Variants in FGF14 observed in about 807,000 individuals in gnomAD.
FGF14 encodes fibroblast growth factor homologous factor 4.
FGF14 carries 5 observed loss-of-function variants against 25.5 expected under a neutral mutation model. That is an observed-to-expected ratio of 0.20 (90% CI 0.10 to 0.41). The LOEUF is 0.41. FGF14 is among the 10% of genes least tolerant of loss of function. The pLI, the probability that FGF14 is intolerant of heterozygous loss-of-function variation, is 1.00. For missense variants in FGF14, 222 were observed against 320.1 expected (o/e 0.69, Z 2.34); for synonymous variants, 138 against 118.3 (o/e 1.17, Z -1.08).
chr13:102,318,020 T>G (rs2056100020), intron 1 of FGF14, among the ~76,000 whole-genome samples: 1 of 152,196 alleles, frequency 6.6e-6, no homozygotes, highest in South Asian at 2.1e-4. Context: ...TTTGTTTGCT[T>G]AGACTAGGGT....
At chr13:101,736,331 A>T (rs1202335720) in intron 3 of FGF14, among the ~76,000 whole-genome samples, 2 of 152,196 alleles carry the variant, frequency 1.3e-5, no homozygotes, top group African/African-American at 4.8e-5. Context: ...AGTATGATCA[A>T]GGAACTTGTG....
At chr13:101,950,115 TCTTGTACCTACCAGATGCCCAATAAGAA>T (rs1391797546) in intron 1 of FGF14, among the ~76,000 whole-genome samples, 1 of 152,128 alleles carries the variant, frequency 6.6e-6, no homozygotes, top group Middle Eastern at 3.2e-3. Context: ...ATGGAAGTCA[TCTTGTACCTACCAGATGCCCAATAAGAA>T]CAGAAAAGCC....
chr13:102,300,634 C>T (rs1311112847), intron 1 of FGF14, among the ~76,000 whole-genome samples: 1 of 152,084 alleles, frequency 6.6e-6, no homozygotes, highest in East Asian at 1.9e-4. Flanking sequence ...ACAACCCCAT[C>T]AGATTTTAAG....
intron 3 of FGF14, among the ~76,000 whole-genome samples, chr13:101,774,952 C>T (rs895778658): frequency 3.0e-5 from 4 of 132,072 alleles, no homozygotes; most frequent in Admixed American, 8.5e-5. Flanking sequence ...CTGGGCAACA[C>T]GAATGAAACT....
chr13:101,782,765 A>G (rs2039583514), intron 3 of FGF14, among the ~76,000 whole-genome samples: 1 of 152,162 alleles, frequency 6.6e-6, no homozygotes, highest in Non-Finnish European at 1.5e-5. Context: ...TATATGTACC[A>G]TATTTCTTTA....
intron 1 of FGF14, chr13:102,366,390 C>A (rs1431043193): frequency 6.6e-6 from 1 of 152,072 alleles, no homozygotes; most frequent in Non-Finnish European, 1.5e-5. Context: ...TTCCTTAAAA[C>A]CATTATATTT....
At chr13:101,789,736 T>G (rs1390682022) in intron 3 of FGF14, among the ~76,000 whole-genome samples, 1 of 151,958 alleles carries the variant, frequency 6.6e-6, no homozygotes, top group Non-Finnish European at 1.5e-5. Flanking sequence ...TATGAAACTT[T>G]TTATAGATAG....
intron 1 of FGF14, among the ~76,000 whole-genome samples, chr13:102,018,654 G>T (rs1312184237): frequency 1.3e-5 from 2 of 151,224 alleles, no homozygotes; most frequent in African/African-American, 4.9e-5. Flanking sequence ...CAGCCCTGAG[G>T]CCTCCTCTTC....
intron 1 of FGF14, among the ~76,000 whole-genome samples, chr13:101,945,009 A>T (rs1173616870): frequency 6.6e-6 from 1 of 152,128 alleles, no homozygotes; most frequent in African/African-American, 2.4e-5. Flanking sequence ...AGCATCATAA[A>T]ACTGTACACT....
At chr13:101,851,767 T>C (rs984417042) in intron 3 of FGF14, among the ~76,000 whole-genome samples, 2 of 152,132 alleles carry the variant, frequency 1.3e-5, no homozygotes, top group Non-Finnish European at 2.9e-5. Context: ...ACTCATTCAA[T>C]AGTCACAATT....
intron 1 of FGF14, among the ~76,000 whole-genome samples, chr13:101,904,922 A>G (rs1400793622): frequency 6.6e-6 from 1 of 152,232 alleles, no homozygotes; most frequent in Non-Finnish European, 1.5e-5. Flanking sequence ...TCCAAAATGC[A>G]AAGGCATTGG....
intron 1 of FGF14, among the ~76,000 whole-genome samples, chr13:102,310,696 TGGGG>T (rs1181823636): frequency 5.8e-4 from 2 of 3,472 alleles, no homozygotes; most frequent in East Asian, 0.012. Context: ...TGTGTGTGTG[TGGGG>T]GGGGGGGGGT....
intron 1 of FGF14, among the ~76,000 whole-genome samples, chr13:102,306,561 C>A: frequency 6.6e-6 from 1 of 152,238 alleles, no homozygotes; most frequent in South Asian, 2.1e-4. Flanking sequence ...GGACAGCTGG[C>A]TTTGACAAGG....
intron 3 of FGF14, among the ~76,000 whole-genome samples, chr13:101,809,494 C>T (rs2041377746): frequency 6.6e-6 from 1 of 152,082 alleles, no homozygotes; most frequent in Admixed American, 6.6e-5. Flanking sequence ...CTTCAGTAAA[C>T]AGTTGTATTA....
At chr13:102,115,151 T>C (rs1435553841) in intron 1 of FGF14, among the ~76,000 whole-genome samples, 2 of 152,164 alleles carry the variant, frequency 1.3e-5, no homozygotes, top group Non-Finnish European at 2.9e-5. Context: ...GACAGCACAG[T>C]TGCTTATGCA....
chr13:102,001,196 T>C (rs1409885256), intron 1 of FGF14, among the ~76,000 whole-genome samples: 2 of 152,112 alleles, frequency 1.3e-5, no homozygotes, highest in East Asian at 1.9e-4. Context: ...ATAGGAAAAA[T>C]ATTGTATTGA....
chr13:102,346,556 CCATA>C (rs2057110549), intron 1 of FGF14, among the ~76,000 whole-genome samples: 1 of 151,852 alleles, frequency 6.6e-6, no homozygotes, highest in African/African-American at 2.4e-5. Context: ...GCGTACAGAG[CCATA>C]TATATTTATA....
At chr13:102,180,331 G>T (rs1158712643) in intron 1 of FGF14, among the ~76,000 whole-genome samples, 3 of 150,980 alleles carry the variant, frequency 2.0e-5, no homozygotes, top group Admixed American at 2.0e-4. Flanking sequence ...ACTTTTTTTT[G>T]AGACAGAGTC....
intron 1 of FGF14, among the ~76,000 whole-genome samples, chr13:102,035,199 T>C (rs1355713352): frequency 2.0e-5 from 3 of 151,976 alleles, no homozygotes; most frequent in Non-Finnish European, 2.9e-5. Flanking sequence ...ATATCAGAAA[T>C]AAGGTTCTAA....
Sources: gnomAD v4.1 joint callset for allele counts (sites outside exome capture counted in the v4.1 genomes callset) on GRCh38, gnomAD v4.1.1 for gene constraint, MANE v1.5 for transcripts, NCBI Gene and HGNC (gene_info 2026-07-23, HGNC 2026-07-21) for gene names.